Variants in WDR87 observed in about 807,000 individuals in gnomAD.
WDR87 encodes the protein WD repeat-containing protein 87.
WDR87 carries 56 observed loss-of-function variants against 83.3 expected under a neutral mutation model. The observed-to-expected ratio is 0.67, with a 90% CI of 0.54 to 0.84. WDR87 has a LOEUF of 0.84. WDR87 is among the 40% of genes least tolerant of loss of function. WDR87 has a pLI of 0.00. For synonymous variants in WDR87, 1,173 were observed against 1,250.6 expected, an observed-to-expected ratio of 0.94 and a Z score of 1.31; for missense variants, 2,939 against 3,431.9, an observed-to-expected ratio of 0.86 and a Z score of 3.59.
At chr19:37,903,464 T>C (rs2046304726) in intron 1 of WDR87, among the ~76,000 whole-genome samples, 1 of 152,230 alleles carries the variant, frequency 6.6e-6, no homozygotes, top group Non-Finnish European at 1.5e-5. Context: ...CCTGGATCCC[T>C]GAGAAGTAAC....
chr19:37,899,088 GTTGTTTTGTTTTGTT>G (rs147855507), intron 1 of WDR87, among the ~76,000 whole-genome samples: 1 of 150,330 alleles, frequency 6.7e-6, no homozygotes, highest in Non-Finnish European at 1.5e-5. Context: ...TTGTTGTTGT[GTTGTTTTGTTTTGTT>G]TTGTTTTGTT....
Position 37,886,845 on chromosome 19 carries a change from G to A in WDR87, c.6826C>T (p.Leu2276=), listed in dbSNP as rs748600699. The A allele has an allele frequency of 6.4e-5, 99 of 1,548,756 alleles. No individual in the cohort carries two copies. Among genetic ancestry groups the A allele is most frequent in the African/African-American group, 1.8e-4 (13 of 72,104 alleles). ...SEEMESLLDE[L]EKQESLSSEE... is the part of the protein sequence containing the mutation. ...GAAGACAAACTCTCTTGCTTTTCTA[G>A]TTCATCTAACAGGCTTTCCATTTCT... Residue 2276 remains leucine (L), a synonymous_variant, in exon 6 of 6, where the codon CTA becomes TTA. Coordinates refer to ENST00000447313, the MANE Select transcript of WDR87 (RefSeq NM_001291088.2).
At position 37,893,340 on chromosome 19, in the gene WDR87, A is replaced by G. The variant is rs1239563560; in HGVS notation, c.2363T>C (p.Leu788Pro). 2 of 1,551,738 alleles carry G rather than the reference A, an allele frequency of 1.3e-6. No individual in the cohort carries two copies. The highest frequency in any genetic ancestry group is 1.7e-6 in the Non-Finnish European group (2 of 1,146,888). The change falls in exon 4 of 6, where the codon CTT becomes CCT. Residue 788 changes from leucine (L) to proline (P), a missense_variant. Coordinates refer to ENST00000447313, the MANE Select transcript of WDR87 (RefSeq NM_001291088.2). ...VSKRYQCHYV[L>P]PPQLQLTSWD... ...GCTAGTCAGTTGTAGCTGGGGAGGA[A>G]GCACATAATGGCATTGGTAACGTTT... is the stretch of plus-strand genomic sequence containing the variant.
Position 37,885,587 on chromosome 19 carries a change from A to G in WDR87, c.8084T>C (p.Ile2695Thr), listed in dbSNP as rs2046136777. Residue 2695 changes from isoleucine (I) to threonine (T), a missense_variant, in exon 6 of 6, where the codon ATT (isoleucine) becomes ACT (threonine). Physicochemically the swap from Ile to Thr is moderately conservative, Grantham distance 89. Transcript: ENST00000447313. ...TTGCATTTCCATCTCCTTGTGAGCAATGGATATCTGCTGTGCCCTCTCACT... is the reference window on the plus strand; with the variant it reads ...TTGCATTTCCATCTCCTTGTGAGCAGTGGATATCTGCTGTGCCCTCTCACT... ...YRSERAQQIS[I>T]AHKEMEMQYF... 2.6e-6 allele frequency: 4 copies of G among 1,551,596 alleles called. No individual in the cohort carries two copies. Among genetic ancestry groups the G allele is most frequent in the South Asian group, 1.2e-5 (1 of 84,060 alleles).
rs1200418064 is a variant in WDR87, at chr19:37,889,878, C to A, written c.3793G>T (p.Ala1265Ser). ...GACCTGCGGCCAGATATTCCAGAGG[C>A]TCCCCGCCCTTGGATTTTAACCTTT... ...TKKVKIQGRG[A>S]SGISGRRSTA... is the part of the protein sequence containing the mutation. Residue 1265 changes from alanine to serine, a missense_variant, in exon 6 of 6, where the codon GCC (alanine) becomes TCC (serine). Coordinates refer to ENST00000447313, the MANE Select transcript of WDR87 (RefSeq NM_001291088.2). 6.4e-7 allele frequency: 1 copy of A among 1,551,688 alleles called. No individual in the cohort carries two copies. Among genetic ancestry groups the A allele is most frequent in the East Asian group, 2.4e-5 (1 of 40,916 alleles).
Position 37,884,929 on chromosome 19 carries a change from A to C in WDR87, c.*3T>G. On this transcript the variant is annotated 3_prime_UTR_variant, in exon 6 of 6. Transcript: ENST00000447313. ...AAAGTCCCAGCCTCCAGTCAGTCCCAAATTAGAGAGTGGGAGCAACGGTGT... is the reference window on the plus strand; with the variant it reads ...AAAGTCCCAGCCTCCAGTCAGTCCCCAATTAGAGAGTGGGAGCAACGGTGT... The C allele has an allele frequency of 7.7e-7, 1 of 1,293,912 alleles. No homozygotes were observed. Among genetic ancestry groups the C allele is most frequent in the Non-Finnish European group, 9.9e-7 (1 of 1,013,980 alleles). 80.2% of individuals were successfully genotyped at this position (1,293,912 alleles called of 1,614,324 possible).
chr19:37,886,008 G>T lies in WDR87; in HGVS notation c.7663C>A (p.Gln2555Lys), dbSNP rs1297417514. The T allele has an allele frequency of 6.4e-7, 1 of 1,551,892 alleles. No individual in the cohort carries two copies. The highest frequency in any genetic ancestry group is 1.2e-5 in the South Asian group (1 of 84,062). ...LPLSQIPAKE[Q>K]HADVSLSDVE... is the part of the protein sequence containing the mutation. ...TCTGAGAGGCTTACGTCTGCATGTT[G>T]TTCCTTAGCTGGGATTTGGGAGAGA... Residue 2555 changes from glutamine to lysine, a missense_variant, in exon 6 of 6, where the codon CAA (glutamine) becomes AAA (lysine). Physicochemically the swap from Gln to Lys is moderately conservative, Grantham distance 53. Transcript: ENST00000447313.
chr19:37,898,077 G>T, intron 2 of WDR87, 88 bp downstream of exon 2: 1 of 1,470,586 alleles, frequency 6.8e-7, no homozygotes, highest in Non-Finnish European at 9.2e-7. Context: ...TGTTCTCAAG[G>T]ACAATCTGTG....
Position 37,888,800 on chromosome 19 carries a change from T to C in WDR87, c.4871A>G (p.Glu1624Gly), listed in dbSNP as rs1486359494. 7 of 1,551,738 alleles carry C rather than the reference T, an allele frequency of 4.5e-6. No individual in the cohort carries two copies. The highest frequency in any genetic ancestry group is 6.1e-6 in the Non-Finnish European group (7 of 1,147,020). Residue 1624 changes from glutamate (E) to glycine (G), a missense_variant, in exon 6 of 6, where the codon GAA (glutamate) becomes GGA (glycine). Physicochemically the swap from Glu to Gly is moderately conservative, Grantham distance 98. Around this residue, in one of 3 missense-constraint regions of WDR87, gnomAD observed 2,160 missense variants for 2,533.1 expected, o/e 0.85. Coordinates refer to ENST00000447313, the MANE Select transcript of WDR87 (RefSeq NM_001291088.2). Reference sequence around the variant, plus strand: ...CCTCTCTTCTTGGGCTCGTTTTTTTTCAGCTCGGGCTCGTTTCCTGTGTAT... The same window carrying C: ...CCTCTCTTCTTGGGCTCGTTTTTTTCCAGCTCGGGCTCGTTTCCTGTGTAT... ...ARIHRKRARA[E>G]KKRAQEERKL...
chr19:37,890,971 T>C (rs1245165262), intron 5 of WDR87, among the ~76,000 whole-genome samples: 1 of 152,200 alleles, frequency 6.6e-6, no homozygotes, highest in Non-Finnish European at 1.5e-5. Flanking sequence ...CTTTAAGTTC[T>C]GGGATACATG....
chr19:37,885,344 C>G lies in WDR87; in HGVS notation c.8327G>C (p.Arg2776Pro). The G allele has an allele frequency of 6.4e-7, 1 of 1,551,678 alleles. No individual in the cohort carries two copies. Residue 2776 changes from arginine (R) to proline (P), a missense_variant, in exon 6 of 6, where the codon CGG becomes CCG. This residue lies in a region of WDR87 where 2,160 missense variants were observed against 2,533.1 expected (regional missense o/e 0.85). Coordinates refer to ENST00000447313, the MANE Select transcript of WDR87 (RefSeq NM_001291088.2). ...ETFVALYHVLRMLQQRYPKDS... is the reference protein window; with the variant it reads ...ETFVALYHVLPMLQQRYPKDS... Reference sequence around the variant, plus strand: ...TTTTGGATATCGCTGCTGCAGCATCCGCAAAACATGGTACAGTGCCACAAA... The same window carrying G: ...TTTTGGATATCGCTGCTGCAGCATCGGCAAAACATGGTACAGTGCCACAAA...
At chr19:37,890,725 CT>C (rs911211893) in intron 5 of WDR87, among the ~76,000 whole-genome samples, 1 of 152,148 alleles carries the variant, frequency 6.6e-6, no homozygotes, top group Non-Finnish European at 1.5e-5. Context: ...TACCCTTAAC[CT>C]CTGGCCCTAG....
Position 37,886,247 on chromosome 19 carries a change from TC to T in WDR87, c.7423del (p.Glu2475LysfsTer4). 1 of 1,551,740 alleles carries T rather than the reference TC, an allele frequency of 6.4e-7. No individual in the cohort carries two copies. Among genetic ancestry groups the T allele is most frequent in the Non-Finnish European group, 8.7e-7 (1 of 1,147,000 alleles). On this transcript the variant is annotated frameshift_variant, in exon 6 of 6. Coordinates refer to ENST00000447313, the MANE Select transcript of WDR87 (RefSeq NM_001291088.2). LOFTEE classifies it low-confidence loss of function (END_TRUNC). ...PRKFLGTMDK[E>X]REVMGKYEPI... ...TTCATATTTTCCCATCACTTCTCTT[TC>T]TTTATCCATTGTCCCTAAGAATTTC...
rs2046144059 is a variant in WDR87, at chr19:37,886,275, T to G, written c.7396A>C (p.Arg2466=). The change falls in exon 6 of 6, where the codon AGG becomes CGG. Residue 2466 remains arginine, a synonymous_variant. Coordinates refer to ENST00000447313, the MANE Select transcript of WDR87 (RefSeq NM_001291088.2). ...TTATCCATTGTCCCTAAGAATTTCC[T>G]GGGTATTTCAACTACTGTGGCCTTT... is the stretch of plus-strand genomic sequence containing the variant. The part of the protein sequence containing the change: ...DKKATVVEIP[R]KFLGTMDKER... The G allele has an allele frequency of 6.4e-7, 1 of 1,551,738 alleles. No individual in the cohort carries two copies. Among genetic ancestry groups the G allele is most frequent in the Non-Finnish European group, 8.7e-7 (1 of 1,146,994 alleles).
At position 37,893,361 on chromosome 19, in the gene WDR87, C is replaced by A; in HGVS notation, c.2342G>T (p.Arg781Leu). The A allele has an allele frequency of 4.5e-6, 7 of 1,551,998 alleles. No individual in the cohort carries two copies. The highest frequency in any genetic ancestry group is 6.1e-6 in the Non-Finnish European group (7 of 1,147,058). Reference sequence around the variant, plus strand: ...AGGAAGCACATAATGGCATTGGTAACGTTTGCTCACCTGCATCCAATCTTC... The same window carrying A: ...AGGAAGCACATAATGGCATTGGTAAAGTTTGCTCACCTGCATCCAATCTTC... ...DMEDWMQVSK[R>L]YQCHYVLPPQ... Residue 781 changes from arginine (R) to leucine (L), a missense_variant, in exon 4 of 6, where the codon CGT becomes CTT. Physicochemically the swap from Arg to Leu is moderately radical, Grantham distance 102. This residue lies in a region of WDR87 where 2,160 missense variants were observed against 2,533.1 expected (regional missense o/e 0.85). Coordinates refer to ENST00000447313, the MANE Select transcript of WDR87 (RefSeq NM_001291088.2).
chr19:37,891,582 T>C lies in WDR87; in HGVS notation c.3364A>G (p.Arg1122Gly). 6.4e-7 allele frequency: 1 copy of C among 1,552,174 alleles called. No individual in the cohort carries two copies. The highest frequency in any genetic ancestry group is 8.7e-7 in the Non-Finnish European group (1 of 1,147,094). Residue 1122 changes from arginine (R) to glycine (G), a missense_variant, in exon 5 of 6, where the codon AGA (arginine) becomes GGA (glycine). Coordinates refer to ENST00000447313, the MANE Select transcript of WDR87 (RefSeq NM_001291088.2). Reference protein sequence around the residue: ...EVAIKPSKGQRRGQAGVKKHS... With the variant: ...EVAIKPSKGQGRGQAGVKKHS... ...TTTTTGACCCCTGCTTGGCCTCGTC[T>C]TTGGCCTTTGCTGGGCTTGATGGCC...
rs1337108349 is a variant in WDR87, at chr19:37,886,294, G to C, written c.7377C>G (p.Ala2459=). ...EKQISWEDKK[A]TVVEIPRKFL... is the part of the protein sequence containing the mutation. ...ATTTCCTGGGTATTTCAACTACTGT[G>C]GCCTTTTTATCTTCCCAGGATATTT... is the stretch of plus-strand genomic sequence containing the variant. Residue 2459 remains alanine (A), a synonymous_variant, in exon 6 of 6, where the codon GCC becomes GCG. Transcript: ENST00000447313. 2 of 1,551,632 alleles carry C rather than the reference G, an allele frequency of 1.3e-6. No individual in the cohort carries two copies. The highest frequency in any genetic ancestry group is 1.7e-6 in the Non-Finnish European group (2 of 1,146,970).
rs181609743 is a variant in WDR87, at chr19:37,894,534, C to T, written c.1169G>A (p.Arg390His). 34 of 1,551,660 alleles carry T rather than the reference C, an allele frequency of 2.2e-5. No individual in the cohort carries two copies. Among genetic ancestry groups the T allele is most frequent in the African/African-American group, 1.2e-4 (9 of 73,132 alleles). The change falls in exon 4 of 6, where the codon CGC (arginine) becomes CAC (histidine). Residue 390 changes from arginine (R) to histidine (H), a missense_variant. Coordinates refer to ENST00000447313, the MANE Select transcript of WDR87 (RefSeq NM_001291088.2). ...ILCTTEDGLL[R>H]FVSPVTGDLL... The stretch of plus-strand genomic sequence containing the variant: ...GTCCCCTGTTACTGGGGACACAAAG[C>T]GCAACAAGCCATCCTCAGTGGTACA...
intron 2 of WDR87, among the ~76,000 whole-genome samples, chr19:37,896,785 A>G (rs2046259309): frequency 6.6e-6 from 1 of 151,992 alleles, no homozygotes; most frequent in African/African-American, 2.4e-5. Flanking sequence ...GGCCCTGCTA[A>G]TTTTTTGTAT....
Sources: gnomAD v4.1 joint callset for allele counts (sites outside exome capture counted in the v4.1 genomes callset) on GRCh38, gnomAD v4.1.1 for gene constraint, gnomAD v4.1.1 regional missense constraint, MANE v1.5 for transcripts, NCBI Gene and HGNC (gene_info 2026-07-23, HGNC 2026-07-21) for gene names.